AGBL4: variants seen among roughly 807,000 people sequenced by gnomAD.
The protein encoded by AGBL4 is AGBL carboxypeptidase 4.
Under a neutral mutation model 66.4 loss-of-function variants are expected in AGBL4, and 58 were observed. The observed-to-expected ratio is 0.87, with a 90% CI of 0.71 to 1.09. The LOEUF is 1.09. Among genes scored for constraint, AGBL4 ranks in the 50% least tolerant of loss-of-function variants. The pLI is 0.00. For synonymous variants in AGBL4, 234 were observed against 222.9 expected, an observed-to-expected ratio of 1.05 and a Z score of -0.44; for missense variants, 579 against 631.0, an observed-to-expected ratio of 0.92 and a Z score of 0.88.
In AGBL4 at chr1:48,971,906, G is replaced by C. The variant is rs561895168; in HGVS notation, c.594+73678C>G. 6.6e-5 allele frequency among the ~76,000 whole-genome samples: 10 copies of C among 152,276 alleles called. No homozygotes were observed. The East Asian group carries it at 1.9e-3, about 29-fold the overall frequency. On this transcript the variant is annotated intron_variant, in intron 5 of 13. Transcript: ENST00000371839. ...TGCCTCCTTTGAATAGGCTGGGGCA[G>C]TGCGCCCAATCTCTAGGAACCTAAA...
chr1:49,545,701 G>A (rs1313781284), intron 3 of AGBL4, among the ~76,000 whole-genome samples: 1 of 152,032 alleles, frequency 6.6e-6, no homozygotes, highest in Non-Finnish European at 1.5e-5. Flanking sequence ...TTTTAGCACA[G>A]TTCTTGGCAC....
chr1:48,789,122 A>G (rs1376096977), intron 6 of AGBL4, among the ~76,000 whole-genome samples: 1 of 152,096 alleles, frequency 6.6e-6, no homozygotes, highest in African/African-American at 2.4e-5. Flanking sequence ...CAAGTCACAC[A>G]TTGGATTCAA....
At chr1:49,850,175 C>T (rs1646269674) in intron 2 of AGBL4, among the ~76,000 whole-genome samples, 1 of 152,112 alleles carries the variant, frequency 6.6e-6, no homozygotes, top group African/African-American at 2.4e-5. Context: ...AAGTAGTTCC[C>T]AATCCATTGT....
intron 8 of AGBL4, among the ~76,000 whole-genome samples, chr1:48,639,388 T>C (rs557670789): frequency 6.6e-6 from 1 of 152,296 alleles, no homozygotes; most frequent in South Asian, 2.1e-4. Context: ...CCACCTCCAA[T>C]GTCTGTGTCA....
chr1:49,430,597 A>C (rs1435610270), intron 3 of AGBL4, among the ~76,000 whole-genome samples: 1 of 152,226 alleles, frequency 6.6e-6, no homozygotes, highest in Admixed American at 6.5e-5. Flanking sequence ...CAGAGTTAGA[A>C]TATGTCTAAA....
chr1:48,586,140 T>C (rs537339780), intron 11 of AGBL4: 1 of 152,340 alleles, frequency 6.6e-6, no homozygotes, highest in East Asian at 1.9e-4. Context: ...TGCAGTGACC[T>C]TGATATTAAA....
intron 1 of AGBL4, among the ~76,000 whole-genome samples, chr1:49,924,012 T>C (rs1323649364): frequency 2.6e-5 from 4 of 152,206 alleles, no homozygotes; most frequent in Admixed American, 2.6e-4. Flanking sequence ...TATAGACACA[T>C]GCGTGTGTAT....
chr1:48,615,867 C>A (rs1309807380), intron 9 of AGBL4, among the ~76,000 whole-genome samples: 2 of 152,154 alleles, frequency 1.3e-5, no homozygotes, highest in Admixed American at 1.3e-4. Context: ...GATCAAGGCA[C>A]CAGCAGTTCA....
chr1:48,742,719 CGGCTCG>C, intron 6 of AGBL4: 1 of 1,610,054 alleles, frequency 6.2e-7, no homozygotes, highest in Non-Finnish European at 8.5e-7. Flanking sequence ...TCCGTAACTC[CGGCTCG>C]GGCTCGAGAC....
chr1:49,785,948 G>GA (rs1288373620), intron 2 of AGBL4, among the ~76,000 whole-genome samples: 1 of 150,144 alleles, frequency 6.7e-6, no homozygotes, highest in African/African-American at 2.4e-5. Context: ...TACGTTATGG[G>GA]AAAAGGTATC....
chr1:49,773,668 GT>G (rs2147889005), intron 2 of AGBL4, among the ~76,000 whole-genome samples: 1 of 152,320 alleles, frequency 6.6e-6, no homozygotes, highest in African/African-American at 2.4e-5. Context: ...CTAGAAGGTT[GT>G]GTGTCTGACT....
intron 5 of AGBL4, among the ~76,000 whole-genome samples, chr1:48,929,400 G>T (rs1654852100): frequency 6.6e-6 from 1 of 151,938 alleles, no homozygotes; most frequent in Non-Finnish European, 1.5e-5. Context: ...CTCTTTCCTG[G>T]AGCAATTTTC....
At chr1:49,063,392 G>C (rs1009566601) in intron 4 of AGBL4, among the ~76,000 whole-genome samples, 1 of 152,148 alleles carries the variant, frequency 6.6e-6, no homozygotes, top group African/African-American at 2.4e-5. Flanking sequence ...AAGAGGTCGG[G>C]GGTTTAGGCT....
At chr1:49,538,283 T>C (rs1210115200) in intron 3 of AGBL4, among the ~76,000 whole-genome samples, 1 of 152,334 alleles carries the variant, frequency 6.6e-6, no homozygotes, top group South Asian at 2.1e-4. Flanking sequence ...AGGAATGAAA[T>C]CATGTCTTCT....
At chr1:48,915,818 G>C (rs1376417383) in intron 5 of AGBL4, among the ~76,000 whole-genome samples, 1 of 152,138 alleles carries the variant, frequency 6.6e-6, no homozygotes, top group Non-Finnish European at 1.5e-5. Context: ...GTCTCCCAGG[G>C]AAGGAAGCCT....
intron 3 of AGBL4, among the ~76,000 whole-genome samples, chr1:49,380,006 T>G (rs1644561871): frequency 6.6e-6 from 1 of 152,086 alleles, no homozygotes; most frequent in Admixed American, 6.6e-5. Flanking sequence ...GCCAGGGAAA[T>G]TAGGCAGGAG....
At chr1:49,429,994 A>G (rs1403236013) in intron 3 of AGBL4, among the ~76,000 whole-genome samples, 1 of 151,882 alleles carries the variant, frequency 6.6e-6, no homozygotes, top group African/African-American at 2.4e-5. Context: ...ACAGGCAAGC[A>G]TCACCATGCC....
At chr1:49,363,174 C>T (rs1010649720) in intron 3 of AGBL4, among the ~76,000 whole-genome samples, 1 of 152,022 alleles carries the variant, frequency 6.6e-6, no homozygotes, top group Non-Finnish European at 1.5e-5. Context: ...CTTGTTAGCA[C>T]CAAAAATGTG....
At chr1:49,654,401 T>C (rs531932828) in intron 3 of AGBL4, among the ~76,000 whole-genome samples, 200 of 152,300 alleles carry the variant, frequency 1.3e-3, no homozygotes, top group Non-Finnish European at 2.1e-3. Context: ...GTATATTCTG[T>C]TGATTTGGGG....
Sources: allele counts gnomAD v4.1 joint callset (sites outside exome capture counted in the v4.1 genomes callset), GRCh38; gene constraint gnomAD v4.1.1; transcripts MANE v1.5; gene names NCBI Gene and HGNC (gene_info 2026-07-23, HGNC 2026-07-21).